The following ARHGAP11A variants were observed in gnomAD, a reference collection of about 807,000 sequenced individuals.
The protein encoded by ARHGAP11A is rho GTPase-activating protein 11A.
Under a neutral mutation model 60.5 loss-of-function variants are expected in ARHGAP11A, and 36 were observed. That is an observed-to-expected ratio of 0.59 (90% CI 0.46 to 0.79). ARHGAP11A has a LOEUF of 0.79. Among genes scored for constraint, ARHGAP11A ranks in the 30% least tolerant of loss-of-function variants. The pLI is 0.00. For missense variants in ARHGAP11A, 1,071 were observed against 1,199.2 expected (o/e 0.89, Z 1.58); for synonymous variants, 362 against 415.5 (o/e 0.87, Z 1.57).
Position 32,636,152 on chromosome 15 carries a change from C to T in ARHGAP11A, c.1484-105C>T, listed in dbSNP as rs565835177. 115 of 1,443,168 alleles carry T rather than the reference C, an allele frequency of 8.0e-5. No individual in the cohort carries two copies. In the South Asian group the frequency reaches 1.8e-3, roughly 22 times the overall value. The allele number at this position is 1,443,168 out of a possible 1,614,324, so 89.4% of individuals were successfully genotyped here. ...AAAATTATTTCTTGTAACACAAATACTTTATTAGAATTAAATGCTTAGTGA... is the reference window on the plus strand; with the variant it reads ...AAAATTATTTCTTGTAACACAAATATTTTATTAGAATTAAATGCTTAGTGA... On this transcript the variant is annotated intron_variant, in intron 11 of 11. Transcript: ENST00000361627.
chr15:32,621,909 A>G (rs1434834194), intron 2 of ARHGAP11A, among the ~76,000 whole-genome samples: 2 of 152,312 alleles, frequency 1.3e-5, no homozygotes, highest in Non-Finnish European at 2.9e-5. Flanking sequence ...CCCTCCATCT[A>G]AAGTAGGGTT....
chr15:32,617,540 T>C (rs374844761), intron 1 of ARHGAP11A, among the ~76,000 whole-genome samples: 2,935 of 148,014 alleles, frequency 0.02, 107 homozygotes, highest in African/African-American at 0.07. Flanking sequence ...GGCGCGATCT[T>C]GGCTCACTGC....
chr15:32,622,661 C>T (rs1338625643), intron 2 of ARHGAP11A, among the ~76,000 whole-genome samples: 1 of 151,600 alleles, frequency 6.6e-6, no homozygotes, highest in African/African-American at 2.4e-5. Context: ...TGTTCAATAT[C>T]TAGGTATCTA....
intron 7 of ARHGAP11A, among the ~76,000 whole-genome samples, chr15:32,629,215 A>C (rs1302537957): frequency 1.4e-5 from 2 of 145,106 alleles, no homozygotes; most frequent in Admixed American, 1.4e-4. Context: ...TGTTTTCTAG[A>C]GTGAAGAAAT....
intron 2 of ARHGAP11A, 103 bp downstream of exon 2, chr15:32,620,281 T>C (rs2053264225): frequency 6.3e-7 from 1 of 1,593,854 alleles, no homozygotes; most frequent in Admixed American, 1.8e-5. Context: ...GTCCAGGAGC[T>C]TAAGACCAGC....
rs147127238 is a variant in ARHGAP11A, at chr15:32,637,963, A to G, written c.*118A>G. ...GATTGTTAAGCAATAGATTTGCTCT[A>G]TTGAAAATGTTTCATTTTTTTCACT... is the stretch of plus-strand genomic sequence containing the variant. On this transcript the variant is annotated 3_prime_UTR_variant, in exon 12 of 12. Coordinates refer to ENST00000361627, the MANE Select transcript of ARHGAP11A (RefSeq NM_014783.6). 2,099 of 914,028 alleles carry G rather than the reference A, an allele frequency of 2.3e-3. 38 individuals are homozygous for G. The African/African-American group carries it at 0.031, about 13-fold the overall frequency. The allele number at this position is 914,028 out of a possible 1,614,324, so 56.6% of individuals were successfully genotyped here. A position where few individuals can be genotyped will look rare whatever the true frequency, so the allele number is the denominator to read the frequency against.
intron 2 of ARHGAP11A, among the ~76,000 whole-genome samples, chr15:32,621,821 C>CAAAAAAA (rs376053100): frequency 4.1e-5 from 5 of 120,904 alleles, no homozygotes; most frequent in Admixed American, 7.7e-5. Flanking sequence ...GACTCCGTCT[C>CAAAAAAA]AAAAAAAAAA....
chr15:32,623,132 T>G (rs2053377858), intron 2 of ARHGAP11A, among the ~76,000 whole-genome samples: 1 of 150,740 alleles, frequency 6.6e-6, no homozygotes, highest in African/African-American at 2.5e-5. Flanking sequence ...GAGCTATTTC[T>G]TTGGAGTAAT....
At chr15:32,633,907 G>A in intron 9 of ARHGAP11A, 26 bp from the exon 10 acceptor site, 1 of 1,472,378 alleles carries the variant, frequency 6.8e-7, no homozygotes, top group Non-Finnish European at 9.3e-7. Flanking sequence ...ACTATAAACT[G>A]ACATTTTTAA....
intron 1 of ARHGAP11A, among the ~76,000 whole-genome samples, chr15:32,617,573 G>T (rs1284322756): frequency 6.8e-6 from 1 of 146,150 alleles, no homozygotes; most frequent in East Asian, 2.1e-4. Flanking sequence ...CCGGGTTCAC[G>T]CCATTCTCCT....
At chr15:32,622,750 T>C (rs920903001) in intron 2 of ARHGAP11A, among the ~76,000 whole-genome samples, 1 of 151,940 alleles carries the variant, frequency 6.6e-6, no homozygotes, top group Non-Finnish European at 1.5e-5. Context: ...AAAAGGCTTG[T>C]AAGGACTGGG....
chr15:32,624,148 C>G (rs2053402193), intron 3 of ARHGAP11A, 25 bp from the exon 4 acceptor site: 5 of 1,609,268 alleles, frequency 3.1e-6, no homozygotes, highest in Non-Finnish European at 3.4e-6. Context: ...TGCCAAAATA[C>G]TCAAGATTAT....
chr15:32,635,804 G>C lies in ARHGAP11A; in HGVS notation c.1372G>C (p.Glu458Gln). Residue 458 changes from glutamate (E) to glutamine (Q), a missense_variant, in exon 11 of 12, where the codon GAA (glutamate) becomes CAA (glutamine). Glu to Gln is a conservative substitution (Grantham distance 29). Transcript: ENST00000361627. Reference protein sequence around the residue: ...VNGCSGVNRYESVGWRLANQQ... With the variant: ...VNGCSGVNRYQSVGWRLANQQ... ...TGGATGTTCTGGTGTCAATAGATAT[G>C]AAAGTGTTGGTTGGCGACTTGCAAA... is the stretch of plus-strand genomic sequence containing the variant. The C allele has an allele frequency of 6.2e-7, 1 of 1,609,660 alleles. No homozygotes were observed. Among genetic ancestry groups the C allele is most frequent in the South Asian group, 1.1e-5 (1 of 90,180 alleles).
At chr15:32,633,207 CATA>C in intron 9 of ARHGAP11A, 99 bp downstream of exon 9, 1 of 1,374,180 alleles carries the variant, frequency 7.3e-7, no homozygotes, top group Non-Finnish European at 9.9e-7. Context: ...ATATTTGAGT[CATA>C]ATTTTTTAAA....
chr15:32,637,004 T>C lies in ARHGAP11A; in HGVS notation c.2231T>C (p.Met744Thr). The change falls in exon 12 of 12, where the codon ATG (methionine) becomes ACG (threonine). Residue 744 changes from methionine (M) to threonine (T), a missense_variant. Transcript: ENST00000361627. ...AAATTAAAAGAGAATGAGAATATGA[T>C]GGAAGGTAACTTACCGAAGTGTGCA... ...NNKLKENENMMEGNLPKCAAH... is the reference protein window; with the variant it reads ...NNKLKENENMTEGNLPKCAAH... 6.2e-7 allele frequency: 1 copy of C among 1,612,020 alleles called. No homozygotes were observed. Among genetic ancestry groups the C allele is most frequent in the Non-Finnish European group, 8.5e-7 (1 of 1,179,558 alleles).
chr15:32,621,702 G>A (rs1268913392), intron 2 of ARHGAP11A, among the ~76,000 whole-genome samples: 2 of 152,296 alleles, frequency 1.3e-5, no homozygotes, highest in Non-Finnish European at 2.9e-5. Context: ...GCACGCACCT[G>A]TAGTTCCAGC....
intron 5 of ARHGAP11A, 25 bp from the exon 6 acceptor site, chr15:32,625,462 C>T (rs753178451): frequency 1.9e-6 from 3 of 1,610,580 alleles, no homozygotes; most frequent in Non-Finnish European, 2.5e-6. Flanking sequence ...TAATAATTGT[C>T]TTACTTGTGA....
chr15:32,620,225 C>T, intron 2 of ARHGAP11A, 47 bp downstream of exon 2: 1 of 1,605,578 alleles, frequency 6.2e-7, no homozygotes, highest in Non-Finnish European at 8.5e-7. Flanking sequence ...TGGCATATGC[C>T]TGTAACCCCA....
rs888096035 is a variant in ARHGAP11A, at chr15:32,624,567, C to A, written c.551+141C>A. 2.1e-6 allele frequency: 3 copies of A among 1,430,094 alleles called. No individual in the cohort carries two copies. In the African/African-American group the frequency reaches 4.3e-5, roughly 21 times the overall value. 88.6% of individuals were successfully genotyped at this position (1,430,094 alleles called of 1,614,324 possible). ...ATTTCATTACTATGAGGAGTATACT[C>A]CAATTTAAGAAACAGCATACCAAAT... is the stretch of plus-strand genomic sequence containing the variant. On this transcript the variant is annotated intron_variant, in intron 4 of 11. Coordinates refer to ENST00000361627, the MANE Select transcript of ARHGAP11A (RefSeq NM_014783.6).
Sources: allele counts gnomAD v4.1 joint callset (sites outside exome capture counted in the v4.1 genomes callset), GRCh38; gene constraint gnomAD v4.1.1; transcripts MANE v1.5; gene names NCBI Gene and HGNC (gene_info 2026-07-23, HGNC 2026-07-21).